Variants in PTPRD observed in about 807,000 individuals in gnomAD.
The protein encoded by PTPRD is protein tyrosine phosphatase receptor type D.
In PTPRD, 34 loss-of-function variants were observed where a neutral mutation model predicts 214.5. The observed-to-expected ratio is 0.16, with a 90% CI of 0.12 to 0.21. PTPRD has a LOEUF of 0.21. Among genes scored for constraint, PTPRD ranks in the 10% least tolerant of loss-of-function variants. PTPRD has a pLI of 1.00. For synonymous variants in PTPRD, 1,128 were observed against 845.7 expected (o/e 1.33, Z -5.79); for missense variants, 2,545 against 2,398.7 (o/e 1.06, Z -1.27).
chr9:10,549,416 G>A (rs187455653), intron 2 of PTPRD, among the ~76,000 whole-genome samples: 11 of 152,190 alleles, frequency 7.2e-5, no homozygotes, highest in African/African-American at 2.6e-4. Context: ...AAAAAAAATT[G>A]TCTATCATTT....
At chr9:9,661,510 C>A (rs1398759312) in intron 7 of PTPRD, among the ~76,000 whole-genome samples, 1 of 151,732 alleles carries the variant, frequency 6.6e-6, no homozygotes, top group Non-Finnish European at 1.5e-5. Context: ...AACAATTATG[C>A]TAAACTATGG....
At chr9:9,834,289 T>C (rs917824480) in intron 5 of PTPRD, among the ~76,000 whole-genome samples, 2 of 152,012 alleles carry the variant, frequency 1.3e-5, no homozygotes, top group African/African-American at 4.8e-5. Flanking sequence ...TCATTCACTG[T>C]ATGTAGTGTG....
chr9:10,290,278 T>A (rs1468478670), intron 3 of PTPRD, among the ~76,000 whole-genome samples: 1 of 152,132 alleles, frequency 6.6e-6, no homozygotes, highest in African/African-American at 2.4e-5. Context: ...TCCCTTTGTA[T>A]GACAGGCTGA....
intron 39 of PTPRD, among the ~76,000 whole-genome samples, chr9:8,363,867 T>C (rs1217538197): frequency 3.9e-5 from 6 of 152,234 alleles, no homozygotes; most frequent in Non-Finnish European, 7.3e-5. Flanking sequence ...ACTGCTTGCA[T>C]ATGCAAGCTT....
chr9:10,423,793 A>G (rs889484512), intron 2 of PTPRD, among the ~76,000 whole-genome samples: 5 of 152,010 alleles, frequency 3.3e-5, no homozygotes, highest in South Asian at 2.1e-4. Context: ...GTTTCAGTCC[A>G]TGACGTGTAT....
chr9:8,873,100 G>A (rs1407492385), intron 11 of PTPRD, among the ~76,000 whole-genome samples: 1 of 152,172 alleles, frequency 6.6e-6, no homozygotes, highest in Admixed American at 6.6e-5. Context: ...TAATCTGTCT[G>A]CCTAATGGAG....
intron 2 of PTPRD, among the ~76,000 whole-genome samples, chr9:10,360,362 A>G (rs370672190): frequency 6.6e-6 from 1 of 152,246 alleles, no homozygotes; most frequent in Admixed American, 6.5e-5. Flanking sequence ...ATGCTGCTCC[A>G]TTTATTTTAC....
chr9:9,691,654 T>C (rs1231667514), intron 7 of PTPRD, among the ~76,000 whole-genome samples: 2 of 152,020 alleles, frequency 1.3e-5, no homozygotes, highest in African/African-American at 2.4e-5. Flanking sequence ...TTTGGGGTTG[T>C]TGGATTGTAT....
chr9:9,907,807 G>C (rs993524456), intron 5 of PTPRD, among the ~76,000 whole-genome samples: 1 of 151,820 alleles, frequency 6.6e-6, no homozygotes, highest in Non-Finnish European at 1.5e-5. Flanking sequence ...GAACCCTACT[G>C]ATTCTTGTAA....
At chr9:9,927,116 C>G (rs905769666) in intron 5 of PTPRD, among the ~76,000 whole-genome samples, 1 of 152,060 alleles carries the variant, frequency 6.6e-6, no homozygotes, top group Non-Finnish European at 1.5e-5. Flanking sequence ...TTTGTAATAA[C>G]CATTATATAC....
At chr9:8,618,546 C>G (rs1479023739) in intron 14 of PTPRD, among the ~76,000 whole-genome samples, 1 of 152,052 alleles carries the variant, frequency 6.6e-6, no homozygotes, top group African/African-American at 2.4e-5. Flanking sequence ...GGTATCTTGA[C>G]AATCTCCATC....
intron 5 of PTPRD, among the ~76,000 whole-genome samples, chr9:9,858,680 A>C (rs1378606154): frequency 6.6e-6 from 1 of 152,144 alleles, no homozygotes. Context: ...TTGTATATAA[A>C]ATTAAGAATG....
At chr9:8,565,106 G>T (rs908202051) in intron 14 of PTPRD, among the ~76,000 whole-genome samples, 2 of 152,110 alleles carry the variant, frequency 1.3e-5, no homozygotes, top group African/African-American at 4.8e-5. Flanking sequence ...CGAACATGTG[G>T]CCATGTAATC....
chr9:9,989,409 A>C (rs2095836483), intron 4 of PTPRD, among the ~76,000 whole-genome samples: 1 of 152,162 alleles, frequency 6.6e-6, no homozygotes, highest in Non-Finnish European at 1.5e-5. Context: ...GAAGAAAAGA[A>C]GAGAAGAGAA....
chr9:9,815,638 G>C (rs561728825), intron 5 of PTPRD, among the ~76,000 whole-genome samples: 2 of 152,228 alleles, frequency 1.3e-5, no homozygotes, highest in East Asian at 3.9e-4. Flanking sequence ...AAATAAGCCA[G>C]ATACAGCAAG....
intron 9 of PTPRD, among the ~76,000 whole-genome samples, chr9:9,382,292 G>C (rs191482703): frequency 8.0e-4 from 121 of 152,146 alleles, no homozygotes; most frequent in Middle Eastern, 3.4e-3. Flanking sequence ...AAAACTTCTT[G>C]ACATTGGTTT....
chr9:8,595,809 C>T (rs532689785), intron 14 of PTPRD, among the ~76,000 whole-genome samples: 6 of 152,122 alleles, frequency 3.9e-5, no homozygotes, highest in East Asian at 1.9e-4. Flanking sequence ...AGTAATGATG[C>T]GTAATCCATG....
chr9:9,297,227 G>A (rs1022707835), intron 9 of PTPRD, among the ~76,000 whole-genome samples: 1 of 151,606 alleles, frequency 6.6e-6, no homozygotes, highest in African/African-American at 2.4e-5. Context: ...GAAGCCTAGA[G>A]TCAGACTAGA....
At chr9:10,060,968 TCCTTTCTG>T (rs2097769026) in intron 3 of PTPRD, among the ~76,000 whole-genome samples, 1 of 147,176 alleles carries the variant, frequency 6.8e-6, no homozygotes, top group Non-Finnish European at 1.5e-5. Flanking sequence ...CTTCCTTTCT[TCCTTTCTG>T]TCTTCTTGCT....
Sources: gnomAD v4.1 joint callset for allele counts (sites outside exome capture counted in the v4.1 genomes callset) on GRCh38, gnomAD v4.1.1 for gene constraint, MANE v1.5 for transcripts, NCBI Gene and HGNC (gene_info 2026-07-23, HGNC 2026-07-21) for gene names.